The following ROS1 variants were observed in gnomAD, a reference collection of about 807,000 sequenced individuals.
ROS1 encodes the protein proto-oncogene tyrosine-protein kinase ROS.
In ROS1, 263 loss-of-function variants were observed where a neutral mutation model predicts 273.5. That is an observed-to-expected ratio of 0.96 (90% confidence interval 0.87 to 1.06). The LOEUF (loss-of-function observed/expected upper bound fraction) is 1.06. ROS1 is among the 50% of genes least tolerant of loss of function. The pLI, the probability that ROS1 is intolerant of heterozygous loss-of-function variation, is 0.00. For missense variants in ROS1, 2,833 were observed against 2,751.1 expected (o/e 1.03, Z -0.67); for synonymous variants, 1,008 against 954.1 (o/e 1.06, Z -1.04).
chr6:117,408,607 CT>C (rs759466568), intron 5 of ROS1, among the ~76,000 whole-genome samples: 2 of 152,206 alleles, frequency 1.3e-5, no homozygotes, highest in Non-Finnish European at 2.9e-5. Context: ...CACTTTTACA[CT>C]GTTGGTGGGA....
In ROS1 at chr6:117,389,937, C is replaced by T. The variant is rs1461533460; in HGVS notation, c.1290-91G>A. ...TAATTGCTTCATTCTGTTGCACAATCAGAACTATGTATCTCTGATGTTGCT... is the reference window on the plus strand; with the variant it reads ...TAATTGCTTCATTCTGTTGCACAATTAGAACTATGTATCTCTGATGTTGCT... On this transcript the variant is annotated intron_variant, in intron 12 of 43. Transcript: ENST00000368507. 64 of 1,155,084 alleles carry T rather than the reference C, an allele frequency of 5.5e-5. No homozygotes were observed. The South Asian group carries it at 9.1e-4, about 16-fold the overall frequency. The allele number at this position is 1,155,084 out of a possible 1,614,324, so 71.6% of individuals were successfully genotyped here.
chr6:117,425,547 C>G lies in ROS1; in HGVS notation c.110G>C (p.Cys37Ser), dbSNP rs779056086. Residue 37 changes from cysteine to serine, a missense_variant, in exon 1 of 44, where the codon TGT becomes TCT. By Grantham distance (112) the Cys-to-Ser change is moderately radical. Coordinates refer to ENST00000368507, the MANE Select transcript of ROS1 (RefSeq NM_001378902.1). ...TGTGAGACTTACCAGATTAGTTACACACGACTTTAGGCAGCTATTTAAAAC... is the reference window on the plus strand; with the variant it reads ...TGTGAGACTTACCAGATTAGTTACAGACGACTTTAGGCAGCTATTTAAAAC... Reference protein sequence around the residue: ...CTVLNSCLKSCVTNLGQQLDL... With the variant: ...CTVLNSCLKSSVTNLGQQLDL... 6.3e-7 allele frequency: 1 copy of G among 1,595,960 alleles called. No individual in the cohort carries two copies.
chr6:117,332,522 C>T (rs934551203), intron 32 of ROS1, among the ~76,000 whole-genome samples: 1 of 152,150 alleles, frequency 6.6e-6, no homozygotes, highest in Non-Finnish European at 1.5e-5. Context: ...AACTTTCTAG[C>T]CCAAATCAAC....
At chr6:117,386,827 G>A (rs867919937) in intron 15 of ROS1, 62 bp downstream of exon 15, 1 of 792,004 alleles carries the variant, frequency 1.3e-6, no homozygotes, top group Non-Finnish European at 2.1e-6. Context: ...TTCATTGAAT[G>A]ATGTGGGAAG....
Position 117,337,349 on chromosome 6 carries a change from A to G in ROS1, c.5062-9T>C, listed in dbSNP as rs2128617441. The G allele has an allele frequency of 6.3e-7, 1 of 1,586,238 alleles. No homozygotes were observed. The highest frequency in any genetic ancestry group is 8.5e-7 in the Non-Finnish European group (1 of 1,169,606). On this transcript the variant is annotated splice_polypyrimidine_tract_variant and intron_variant, in intron 31 of 43. Coordinates refer to ENST00000368507, the MANE Select transcript of ROS1 (RefSeq NM_001378902.1). ...AACTCATTGTATTTCCACTAGAAAA[A>G]GAAGTCTCGATTAATATTTTTGTTT...
Position 117,425,594 on chromosome 6 carries a change from C to G in ROS1, c.63G>C (p.Trp21Cys). 6.2e-7 allele frequency: 1 copy of G among 1,612,552 alleles called. No homozygotes were observed. Among genetic ancestry groups the G allele is most frequent in the Non-Finnish European group, 8.5e-7 (1 of 1,179,456 alleles). Residue 21 changes from tryptophan to cysteine, a missense_variant, in exon 1 of 44, where the codon TGG (tryptophan) becomes TGC (cysteine). Coordinates refer to ENST00000368507, the MANE Select transcript of ROS1 (RefSeq NM_001378902.1). ...LVNFATLGCL[W>C]ISVVQCTVLN... The stretch of plus-strand genomic sequence containing the variant: ...AAACTGTACACTGCACCACAGAAAT[C>G]CATAGGCAGCCAAGAGTTGCAAAAT...
rs113105612 is a variant in ROS1, at chr6:117,386,825, A to G, written c.2110+64T>C. On this transcript the variant is annotated intron_variant, in intron 15 of 43. Transcript: ENST00000368507. ...ATACCCTATTCTTTTGATTCATTGA[A>G]TGATGTGGGAAGTCTTATGAGTAGA... 9.1e-4 allele frequency: 707 copies of G among 776,806 alleles called. 3 individuals are homozygous for G. In the African/African-American group the frequency reaches 0.011, roughly 12 times the overall value. The allele number at this position is 776,806 out of a possible 1,614,324, so 48.1% of individuals were successfully genotyped here.
rs376145172 is a variant in ROS1, at chr6:117,310,200, G to A, written c.6297C>T (p.Leu2099=). ...PRIVKIGDFG[L]ARDIYKNDYY... The stretch of plus-strand genomic sequence containing the variant: ...AATCATTTTTATAGATGTCTCTGGC[G>A]AGTCCAAAGTCTCCAATCTTCACTA... The change falls in exon 41 of 44, where the codon CTC becomes CTT. Residue 2099 remains leucine, a synonymous_variant. Transcript: ENST00000368507. The A allele has an allele frequency of 1.3e-4, 203 of 1,612,946 alleles. No homozygotes were observed. The highest frequency in any genetic ancestry group is 2.0e-4 in the Admixed American group (12 of 59,832).
chr6:117,398,641 T>C (rs1264091299), intron 7 of ROS1, among the ~76,000 whole-genome samples: 1 of 146,020 alleles, frequency 6.8e-6, no homozygotes, highest in Non-Finnish European at 1.5e-5. Context: ...ATTGTGCCAC[T>C]GCACTGCAAC....
At chr6:117,350,603 C>G (rs1391932146) in intron 27 of ROS1, among the ~76,000 whole-genome samples, 2 of 150,654 alleles carry the variant, frequency 1.3e-5, no homozygotes, top group East Asian at 3.9e-4. Flanking sequence ...TTTCTCTCTT[C>G]TTTTTCTAGT....
chr6:117,326,506 G>T (rs2128582726), intron 33 of ROS1, 92 bp from the exon 34 acceptor site: 1 of 774,060 alleles, frequency 1.3e-6, no homozygotes, highest in Non-Finnish European at 1.9e-6. Flanking sequence ...GAACGCCAGA[G>T]AGTGTCCTTT....
intron 7 of ROS1, among the ~76,000 whole-genome samples, chr6:117,397,795 A>C (rs995595805): frequency 6.6e-6 from 1 of 152,228 alleles, no homozygotes; most frequent in Non-Finnish European, 1.5e-5. Context: ...GGAAAAAGAA[A>C]GGACAACAAA....
chr6:117,300,624 A>C (rs1774645412), intron 43 of ROS1, among the ~76,000 whole-genome samples: 1 of 152,178 alleles, frequency 6.6e-6, no homozygotes, highest in African/African-American at 2.4e-5. Flanking sequence ...AATGTACCGT[A>C]AGCAAAGAGT....
intron 2 of ROS1, 97 bp from the exon 3 acceptor site, chr6:117,416,414 T>C: frequency 1.2e-6 from 1 of 802,282 alleles, no homozygotes. Flanking sequence ...GGCATCACTC[T>C]GTGTTTTAGA....
intron 7 of ROS1, among the ~76,000 whole-genome samples, chr6:117,401,565 A>G (rs1321956349): frequency 6.6e-6 from 1 of 152,186 alleles, no homozygotes; most frequent in Non-Finnish European, 1.5e-5. Context: ...AAGAAGAAGG[A>G]TGCTATTCAT....
intron 4 of ROS1, among the ~76,000 whole-genome samples, chr6:117,410,470 T>G (rs1778897575): frequency 6.6e-6 from 1 of 152,182 alleles, no homozygotes; most frequent in African/African-American, 2.4e-5. Context: ...CTATGAAAAC[T>G]TAATGATATT....
Position 117,288,453 on chromosome 6 carries a change from G to C in ROS1, c.*39C>G, listed in dbSNP as rs1773584146. ...TTTTCTTTCAGTAACTACTGAATGAGAGTGTTTATCTCAACTCTCTATTTC... is the reference window on the plus strand; with the variant it reads ...TTTTCTTTCAGTAACTACTGAATGACAGTGTTTATCTCAACTCTCTATTTC... On this transcript the variant is annotated 3_prime_UTR_variant, in exon 44 of 44. Transcript: ENST00000368507. The C allele has an allele frequency of 1.3e-6, 2 of 1,506,720 alleles. No individual in the cohort carries two copies. The highest frequency in any genetic ancestry group is 2.8e-5 in the African/African-American group (2 of 71,854). 93.3% of individuals were successfully genotyped at this position (1,506,720 alleles called of 1,614,324 possible).
chr6:117,384,718 A>G (rs1425782465), intron 16 of ROS1, among the ~76,000 whole-genome samples: 1 of 151,626 alleles, frequency 6.6e-6, no homozygotes, highest in Admixed American at 6.6e-5. Context: ...TCTCCACCCT[A>G]CTCTGTGCCC....
intron 35 of ROS1, among the ~76,000 whole-genome samples, chr6:117,323,970 A>G (rs1280038620): frequency 1.3e-5 from 2 of 152,156 alleles, no homozygotes; most frequent in Non-Finnish European, 2.9e-5. Context: ...TTTTTTCTGT[A>G]CCCAGGGTTA....
Sources: allele counts gnomAD v4.1 joint callset (sites outside exome capture counted in the v4.1 genomes callset), GRCh38; gene constraint gnomAD v4.1.1; transcripts MANE v1.5; gene names NCBI Gene and HGNC (gene_info 2026-07-23, HGNC 2026-07-21).